Variants in NFIA observed in about 807,000 individuals in gnomAD.
NFIA encodes the protein nuclear factor 1 A-type.
A neutral mutation model predicts 62.8 loss-of-function variants in NFIA; 8 were observed. The ratio of observed to expected loss-of-function variants is 0.13; its 90% CI spans 0.07 to 0.23. NFIA has a LOEUF of 0.23. Among genes scored for constraint, NFIA ranks in the 10% least tolerant of loss-of-function variants. NFIA has a pLI of 1.00. For missense variants in NFIA, 410 were observed against 642.1 expected (o/e 0.64, Z 3.91); for synonymous variants, 235 against 238.1 (o/e 0.99, Z 0.12).
chr1:61,453,248 A>C (rs2100591433), intron 10 of NFIA, among the ~76,000 whole-genome samples: 1 of 152,108 alleles, frequency 6.6e-6, no homozygotes, highest in South Asian at 2.1e-4. Flanking sequence ...AATGATAGTC[A>C]CGTCTGGGTC....
At chr1:61,271,605 G>A (rs1657510363) in intron 2 of NFIA, among the ~76,000 whole-genome samples, 1 of 152,168 alleles carries the variant, frequency 6.6e-6, no homozygotes, top group Non-Finnish European at 1.5e-5. Context: ...CCTTCCAAGT[G>A]GCTGCTGCAG....
At chr1:61,394,485 T>C (rs1665167947) in intron 7 of NFIA, among the ~76,000 whole-genome samples, 1 of 152,196 alleles carries the variant, frequency 6.6e-6, no homozygotes, top group Non-Finnish European at 1.5e-5. Flanking sequence ...TTGCTGCTAC[T>C]ATTTAAAGAT....
chr1:61,131,116 C>T (rs1437472177), intron 2 of NFIA, among the ~76,000 whole-genome samples: 2 of 149,988 alleles, frequency 1.3e-5, no homozygotes, highest in African/African-American at 4.9e-5. Context: ...ATAAAATGTG[C>T]TTGACTGTGG....
At chr1:61,211,636 A>G (rs1452785204) in intron 2 of NFIA, among the ~76,000 whole-genome samples, 2 of 152,162 alleles carry the variant, frequency 1.3e-5, no homozygotes, top group Non-Finnish European at 2.9e-5. Flanking sequence ...ACCCAATTAA[A>G]CATGTTTTCT....
intron 2 of NFIA, among the ~76,000 whole-genome samples, chr1:61,246,243 A>T (rs1266574332): frequency 6.6e-6 from 1 of 152,226 alleles, no homozygotes; most frequent in Non-Finnish European, 1.5e-5. Context: ...TACAAGTATT[A>T]CCATTTCCAG....
At chr1:61,114,881 A>T (rs532711497) in intron 2 of NFIA, among the ~76,000 whole-genome samples, 1 of 152,338 alleles carries the variant, frequency 6.6e-6, no homozygotes, top group East Asian at 1.9e-4. Flanking sequence ...AGAAAAGTGG[A>T]TATAATATTC....
chr1:61,180,853 T>G (rs1343684771), intron 2 of NFIA, among the ~76,000 whole-genome samples: 1 of 152,228 alleles, frequency 6.6e-6, no homozygotes, highest in Non-Finnish European at 1.5e-5. Context: ...CTGCTCATGA[T>G]AAGAAGTCAC....
At chr1:61,161,032 A>G (rs1649164297) in intron 2 of NFIA, among the ~76,000 whole-genome samples, 1 of 152,188 alleles carries the variant, frequency 6.6e-6, no homozygotes, top group African/African-American at 2.4e-5. Flanking sequence ...CTCCTGCCTC[A>G]GCCTCTTGAG....
chr1:61,291,527 T>A (rs1449515136), intron 3 of NFIA, among the ~76,000 whole-genome samples: 2 of 152,216 alleles, frequency 1.3e-5, no homozygotes, highest in Non-Finnish European at 2.9e-5. Flanking sequence ...TTAGATTGTT[T>A]GAATATGTTA....
chr1:61,395,882 T>C (rs10889219), intron 7 of NFIA, among the ~76,000 whole-genome samples: 42,562 of 152,166 alleles, frequency 0.28, 6,077 homozygotes, highest in African/African-American at 0.35. Context: ...CTAGATATAC[T>C]GTACAACTTA....
At chr1:61,260,713 T>C (rs1476446760) in intron 2 of NFIA, among the ~76,000 whole-genome samples, 1 of 152,150 alleles carries the variant, frequency 6.6e-6, no homozygotes, top group African/African-American at 2.4e-5. Context: ...CTGGAGTAAC[T>C]GGGACTACAG....
chr1:61,396,832 T>C (rs1442574903), intron 7 of NFIA, among the ~76,000 whole-genome samples: 1 of 151,966 alleles, frequency 6.6e-6, no homozygotes, highest in African/African-American at 2.4e-5. Flanking sequence ...AAACCCCATC[T>C]CTACTAAAAA....
chr1:61,416,794 A>T (rs1666368049), intron 9 of NFIA, among the ~76,000 whole-genome samples: 1 of 152,172 alleles, frequency 6.6e-6, no homozygotes, highest in African/African-American at 2.4e-5. Context: ...AACGGAGCAA[A>T]GGTTCAGATC....
intron 7 of NFIA, among the ~76,000 whole-genome samples, chr1:61,394,795 A>C (rs1331244417): frequency 6.6e-6 from 1 of 152,142 alleles, no homozygotes; most frequent in Non-Finnish European, 1.5e-5. Flanking sequence ...AAGATACTTC[A>C]AGTTCAGGAG....
In NFIA at chr1:61,406,543, G is replaced by GGGGCCCCCCCCCCCCCCC; in HGVS notation, c.1255-19_1255-18insGGGCCCCCCCCCCCCCCC. 1.1e-6 allele frequency: 1 copy of GGGGCCCCCCCCCCCCCCC among 876,654 alleles called. No homozygotes were observed. Among genetic ancestry groups the GGGGCCCCCCCCCCCCCCC allele is most frequent in the Non-Finnish European group, 1.5e-6 (1 of 653,744 alleles). 54.3% of individuals were successfully genotyped at this position (876,654 alleles called of 1,614,324 possible). A position where few individuals can be genotyped will look rare whatever the true frequency, so the allele number is the denominator to read the frequency against. ...TCTTTTTCTTGTACGTGTGTTTTCT[G>GGGGCCCCCCCCCCCCCCC]CCCCCCCCCCCCCCACAGCCCAATG... On this transcript the variant is annotated intron_variant, in intron 8 of 10. Coordinates refer to ENST00000403491, the MANE Select transcript of NFIA (RefSeq NM_001134673.4).
Position 61,281,355 on chromosome 1 carries a change from G to A in NFIA, c.625+3770G>A, listed in dbSNP as rs536075267. On this transcript the variant is annotated intron_variant, in intron 3 of 10. Coordinates refer to ENST00000403491, the MANE Select transcript of NFIA (RefSeq NM_001134673.4). Reference sequence around the variant, plus strand: ...CCTGGTTCACAGTAAGGACTCAAAGGAAGGTTACCATTACTACCTTCCAGT... The same window carrying A: ...CCTGGTTCACAGTAAGGACTCAAAGAAAGGTTACCATTACTACCTTCCAGT... 4.6e-5 allele frequency among the ~76,000 whole-genome samples: 7 copies of A among 152,278 alleles called. No individual in the cohort carries two copies. In the East Asian group the frequency reaches 1.2e-3, roughly 25 times the overall value.
intron 10 of NFIA, among the ~76,000 whole-genome samples, chr1:61,447,149 G>A (rs1015097723): frequency 6.6e-6 from 1 of 152,034 alleles, no homozygotes; most frequent in African/African-American, 2.4e-5. Context: ...AAAAAAAATT[G>A]TGAAGGAAAA....
chr1:61,437,640 G>A (rs1045573931), intron 10 of NFIA, among the ~76,000 whole-genome samples: 2 of 152,152 alleles, frequency 1.3e-5, no homozygotes, highest in Admixed American at 6.5e-5. Flanking sequence ...AGATGTGATC[G>A]ATGAAGTAAT....
intron 3 of NFIA, among the ~76,000 whole-genome samples, chr1:61,323,552 C>T (rs1570578600): frequency 6.6e-6 from 1 of 152,232 alleles, no homozygotes; most frequent in East Asian, 1.9e-4. Context: ...TAAAAATAAG[C>T]CGTATCTCAA....
Sources: allele counts gnomAD v4.1 joint callset (sites outside exome capture counted in the v4.1 genomes callset), GRCh38; gene constraint gnomAD v4.1.1; transcripts MANE v1.5; gene names NCBI Gene and HGNC (gene_info 2026-07-23, HGNC 2026-07-21).